Variants in TCEA1 observed in about 807,000 individuals in gnomAD.
TCEA1 encodes the protein transcription elongation factor A protein 1.
A neutral mutation model predicts 43.8 loss-of-function variants in TCEA1; 21 were observed. That is an observed-to-expected ratio of 0.48 (90% CI 0.34 to 0.69). The LOEUF (loss-of-function observed/expected upper bound fraction) is 0.69. Among genes scored for constraint, TCEA1 ranks in the 30% least tolerant of loss-of-function variants. The pLI, the probability that TCEA1 is intolerant of heterozygous loss-of-function variation, is 0.01. For missense variants in TCEA1, 250 were observed against 365.1 expected (o/e 0.68, Z 2.57); for synonymous variants, 104 against 117.5 (o/e 0.88, Z 0.75).
chr8:54,010,815 CT>C (rs574178749), intron 1 of TCEA1, among the ~76,000 whole-genome samples: 8,650 of 146,048 alleles, frequency 0.059, 761 homozygotes, highest in African/African-American at 0.2. Context: ...TTTATTATAA[CT>C]TTTTTTTTTT....
intron 3 of TCEA1, 98 bp downstream of exon 3, chr8:53,999,847 G>C (rs1453875867): frequency 1.2e-6 from 1 of 854,458 alleles, no homozygotes; most frequent in Non-Finnish European, 1.9e-6. Context: ...GATTCACTAA[G>C]AAAAAAATGT....
intron 1 of TCEA1, among the ~76,000 whole-genome samples, chr8:54,017,852 G>A (rs186259932): frequency 1.3e-5 from 2 of 152,214 alleles, no homozygotes; most frequent in South Asian, 2.1e-4. Context: ...CCCAGGAGGC[G>A]GAGGTTGCAG....
chr8:54,002,795 A>G, intron 2 of TCEA1: 3 of 420,886 alleles, frequency 7.1e-6, no homozygotes, highest in South Asian at 5.2e-5. Flanking sequence ...GAAAGCTTTC[A>G]GGACAAACTA....
chr8:53,982,613 C>CAAAA (rs558788906), intron 7 of TCEA1, among the ~76,000 whole-genome samples: 32 of 57,666 alleles, frequency 5.5e-4, no homozygotes, highest in Admixed American at 1.2e-3. Context: ...CATTCCCCAC[C>CAAAA]AAAAAAAAAA....
intron 1 of TCEA1, among the ~76,000 whole-genome samples, chr8:54,017,225 T>C (rs1036734711): frequency 1.2e-4 from 18 of 152,066 alleles, no homozygotes; most frequent in African/African-American, 4.3e-4. Context: ...AATTATACAG[T>C]AGTAATAGTT....
chr8:54,010,391 C>A (rs773860598), intron 2 of TCEA1, 39 bp downstream of exon 2: 70 of 1,500,422 alleles, frequency 4.7e-5, no homozygotes, highest in Non-Finnish European at 6.3e-5. Context: ...TTTATGACGA[C>A]TACCTATTAA....
intron 7 of TCEA1, 128 bp downstream of exon 7, chr8:53,984,235 T>C (rs369264105): frequency 1.1e-6 from 1 of 880,984 alleles, no homozygotes. Context: ...GTCTAGTATA[T>C]AAATATATCA....
Position 54,022,333 on chromosome 8 carries a change from C to T in TCEA1, c.-208G>A. On this transcript the variant is annotated 5_prime_UTR_variant, in exon 1 of 10. Coordinates refer to ENST00000521604, the MANE Select transcript of TCEA1 (RefSeq NM_006756.4). ...CTCCTCCTCCCCAGGCAGCGACAAT[C>T]GAACACCGCGCGCGACGTGCAGGCG... 2 of 609,802 alleles carry T rather than the reference C, an allele frequency of 3.3e-6. No individual in the cohort carries two copies. The highest frequency in any genetic ancestry group is 2.8e-6 in the Non-Finnish European group (1 of 351,712). 37.8% of individuals were successfully genotyped at this position (609,802 alleles called of 1,614,324 possible).
chr8:53,993,742 A>G lies in TCEA1; in HGVS notation c.246T>C (p.Thr82=), dbSNP rs760231793. ...TCTTCTTTTCGTCAAGGTCTTTCTC[A>G]GTTGATGGCCCATCTGAAAATTATG... ...SWKKLLDGPS[T]EKDLDEKKKE... Residue 82 remains threonine, a synonymous_variant, in exon 4 of 10, where the codon ACT becomes ACC. Coordinates refer to ENST00000521604, the MANE Select transcript of TCEA1 (RefSeq NM_006756.4). 4 of 1,613,076 alleles carry G rather than the reference A, an allele frequency of 2.5e-6. No individual in the cohort carries two copies. Among genetic ancestry groups the G allele is most frequent in the Admixed American group, 3.3e-5 (2 of 59,830 alleles).
Position 53,984,511 on chromosome 8 carries a change from T to C in TCEA1, c.530A>G (p.Tyr177Cys). The stretch of plus-strand genomic sequence containing the variant: ...CATGTCTGTATTCCTTATTTCTTGA[T>C]ATATAGGTACCAGGCCGTTAAGGAA... ...ELGSQIEEAI[Y>C]QEIRNTDMKY... The change falls in exon 7 of 10, where the codon TAT (tyrosine) becomes TGT (cysteine). Residue 177 changes from tyrosine to cysteine, a missense_variant. By Grantham distance (194) the Tyr-to-Cys change is radical. Transcript: ENST00000521604. 1 of 1,583,360 alleles carries C rather than the reference T, an allele frequency of 6.3e-7. No homozygotes were observed. Among genetic ancestry groups the C allele is most frequent in the South Asian group, 1.2e-5 (1 of 85,500 alleles).
chr8:53,993,536 A>C, intron 4 of TCEA1, 132 bp downstream of exon 4: 1 of 653,330 alleles, frequency 1.5e-6, no homozygotes, highest in Non-Finnish European at 2.6e-6. Context: ...ACATGGCTAC[A>C]TACATTTACT....
At chr8:54,007,348 T>TG (rs1330001500) in intron 2 of TCEA1, among the ~76,000 whole-genome samples, 1 of 151,874 alleles carries the variant, frequency 6.6e-6, no homozygotes, top group African/African-American at 2.4e-5. Flanking sequence ...TGTGTGTGTA[T>TG]TTTTTTCTTT....
At chr8:54,007,372 A>G (rs995811276) in intron 2 of TCEA1, among the ~76,000 whole-genome samples, 1 of 152,132 alleles carries the variant, frequency 6.6e-6, no homozygotes, top group East Asian at 1.9e-4. Context: ...ATCAAGACAG[A>G]GTCTTGCTAT....
intron 1 of TCEA1, among the ~76,000 whole-genome samples, chr8:54,012,951 AACG>A (rs1268696000): frequency 4.1e-5 from 6 of 147,038 alleles, no homozygotes; most frequent in Non-Finnish European, 7.4e-5. Flanking sequence ...AAAATTAAAA[AACG>A]ACGACGACAA....
intron 2 of TCEA1, among the ~76,000 whole-genome samples, chr8:54,003,938 TAA>T (rs879533018): frequency 6.9e-6 from 1 of 143,906 alleles, no homozygotes; most frequent in Non-Finnish European, 1.5e-5. Flanking sequence ...ACAACTCGAT[TAA>T]AAAAAAAAAG....
At chr8:53,992,330 A>T (rs1461956708) in intron 4 of TCEA1, among the ~76,000 whole-genome samples, 6 of 145,108 alleles carry the variant, frequency 4.1e-5, no homozygotes, top group African/African-American at 1.6e-4. Flanking sequence ...AAAATAAAAA[A>T]CCCCAGGCAC....
chr8:53,985,742 C>G (rs1165547606), intron 6 of TCEA1, among the ~76,000 whole-genome samples: 1 of 152,190 alleles, frequency 6.6e-6, no homozygotes, highest in Non-Finnish European at 1.5e-5. Flanking sequence ...TCTCCTGGAG[C>G]CCTTTCCCGG....
chr8:54,019,088 G>C (rs1295249375), intron 1 of TCEA1, among the ~76,000 whole-genome samples: 1 of 152,188 alleles, frequency 6.6e-6, no homozygotes, highest in Non-Finnish European at 1.5e-5. Flanking sequence ...TAAGTATTTA[G>C]CAGAATACCT....
chr8:53,976,300 C>T (rs1377859099), intron 8 of TCEA1, among the ~76,000 whole-genome samples: 2 of 152,146 alleles, frequency 1.3e-5, no homozygotes, highest in African/African-American at 2.4e-5. Flanking sequence ...AGAACAGCAG[C>T]GTTCTACTCA....
Sources: allele counts gnomAD v4.1 joint callset (sites outside exome capture counted in the v4.1 genomes callset), GRCh38; gene constraint gnomAD v4.1.1; transcripts MANE v1.5; gene names NCBI Gene and HGNC (gene_info 2026-07-23, HGNC 2026-07-21).